The following AKAP13 variants were observed in gnomAD, a reference collection of about 807,000 sequenced individuals.
AKAP13 encodes the protein A-kinase anchor protein 13.
Under a neutral mutation model 264.5 loss-of-function variants are expected in AKAP13, and 80 were observed. That is an observed-to-expected ratio of 0.30 (90% CI 0.25 to 0.36). The LOEUF (loss-of-function observed/expected upper bound fraction) is 0.36, where lower values mean the gene tolerates loss of function less well. AKAP13 is among the 10% of genes least tolerant of loss of function. The pLI is 1.00. For synonymous variants in AKAP13, 1,380 were observed against 1,250.2 expected, an observed-to-expected ratio of 1.10 and a Z score of -2.19; for missense variants, 3,712 against 3,435.2, an observed-to-expected ratio of 1.08 and a Z score of -2.01.
chr15:85,525,388 T>C (rs2151169161), intron 3 of AKAP13, among the ~76,000 whole-genome samples: 1 of 152,318 alleles, frequency 6.6e-6, no homozygotes, highest in African/African-American at 2.4e-5. Flanking sequence ...AGTGAGCATG[T>C]TATTTTTATG....
At chr15:85,551,717 G>A (rs2077967774) in intron 5 of AKAP13, among the ~76,000 whole-genome samples, 1 of 152,170 alleles carries the variant, frequency 6.6e-6, no homozygotes, top group African/African-American at 2.4e-5. Flanking sequence ...TTGATCTGTG[G>A]TAACAAATTA....
chr15:85,553,831 A>C (rs1311783681), intron 5 of AKAP13, among the ~76,000 whole-genome samples: 1 of 152,164 alleles, frequency 6.6e-6, no homozygotes, highest in Non-Finnish European at 1.5e-5. Flanking sequence ...TTAGATTCTC[A>C]TAGGAGTGGA....
At chr15:85,485,603 G>A (rs2075514244) in intron 1 of AKAP13, 107 bp from the exon 2 acceptor site, 12 of 892,912 alleles carry the variant, frequency 1.3e-5, no homozygotes, top group Admixed American at 2.1e-5. Flanking sequence ...TCTCGGGCAC[G>A]GGATTGTACT....
rs1161958830 is a variant in AKAP13 at position 85,736,098 on chromosome 15, T to C, written c.7521T>C (p.Asn2507=). The stretch of plus-strand genomic sequence containing the variant: ...TGTTTTTTGTTTTATAGGGTGGAAA[T>C]GCTAACCTGGTATTTATGCTTAAAA... ...ESDSGLKKGG[N]ANLVFMLKRN... is the part of the protein sequence containing the mutation. The change falls in exon 33 of 37, where the codon AAT becomes AAC. Residue 2507 remains asparagine (N), a synonymous_variant. Coordinates refer to ENST00000394518, the MANE Select transcript of AKAP13 (RefSeq NM_007200.5). 1 of 1,606,600 alleles carries C rather than the reference T, an allele frequency of 6.2e-7. No homozygotes were observed. The highest frequency in any genetic ancestry group is 1.7e-5 in the Admixed American group (1 of 59,896).
chr15:85,591,747 C>T (rs1182007421), intron 8 of AKAP13, among the ~76,000 whole-genome samples: 2 of 152,090 alleles, frequency 1.3e-5, no homozygotes, highest in African/African-American at 4.8e-5. Flanking sequence ...AAGATATGGC[C>T]AAGTTCATTA....
At chr15:85,631,503 C>CACACACACACACACACACACACACACAA (rs1491390937) in intron 8 of AKAP13, among the ~76,000 whole-genome samples, 2 of 7,530 alleles carry the variant, frequency 2.7e-4, no homozygotes, top group African/African-American at 7.9e-4. Context: ...CTCTCTCTCT[C>CACACACACACACACACACACACACACAA]ACACACACAC....
At chr15:85,666,296 ATG>A (rs1176130054) in intron 13 of AKAP13, among the ~76,000 whole-genome samples, 3 of 151,494 alleles carry the variant, frequency 2.0e-5, no homozygotes, top group African/African-American at 7.3e-5. Flanking sequence ...GCATTTTTTC[ATG>A]TGTCTGTTGG....
rs1055825684 is a variant in AKAP13 at position 85,655,561 on chromosome 15, A to T, written c.4519A>T (p.Ser1507Cys). 12 of 1,614,086 alleles carry T rather than the reference A, an allele frequency of 7.4e-6. No individual in the cohort carries two copies. Among genetic ancestry groups the T allele is most frequent in the East Asian group, 4.5e-5 (2 of 44,902 alleles). Residue 1507 changes from serine (S) to cysteine (C), a missense_variant, in exon 11 of 37, where the codon AGC becomes TGC. Around this residue, in one of 3 missense-constraint regions of AKAP13, gnomAD observed 2,759 missense variants for 2,411.7 expected, o/e 1.14. Coordinates refer to ENST00000394518, the MANE Select transcript of AKAP13 (RefSeq NM_007200.5). ...LKPNRSRDRQ[S>C]LDGFYSHGMG... ...GCCAAACAGGTCAAGAGATCGGCAA[A>T]GCCTTGATGGATTCTACAGCCATGG...
chr15:85,491,793 C>G (rs1009676777), intron 2 of AKAP13, among the ~76,000 whole-genome samples: 1 of 151,968 alleles, frequency 6.6e-6, no homozygotes, highest in Non-Finnish European at 1.5e-5. Flanking sequence ...TCACCTGTAA[C>G]CTTTCTAGTT....
intron 8 of AKAP13, among the ~76,000 whole-genome samples, chr15:85,608,939 C>T (rs972911068): frequency 6.6e-6 from 1 of 152,108 alleles, no homozygotes; most frequent in Non-Finnish European, 1.5e-5. Context: ...CTCCCTATTG[C>T]CCCTGAATAG....
At chr15:85,478,844 A>G (rs1269129460) in intron 1 of AKAP13, among the ~76,000 whole-genome samples, 1 of 78,982 alleles carries the variant, frequency 1.3e-5, no homozygotes, top group African/African-American at 6.9e-5. Context: ...GAGTCTTAAC[A>G]TCATTTCCCG....
intron 1 of AKAP13, among the ~76,000 whole-genome samples, chr15:85,423,898 C>G (rs2072643099): frequency 6.6e-6 from 1 of 152,230 alleles, no homozygotes; most frequent in African/African-American, 2.4e-5. Context: ...CCTCCTTGTT[C>G]ATCTCCATCA....
In AKAP13 at chr15:85,664,769, AT is replaced by A; in HGVS notation, c.4992+15del. ...TTTGATCAGCAGGTAAGTCTTAAAT[AT>A]GTCTAATTTGGAAAAAATATATTTC... On this transcript the variant is annotated intron_variant, in intron 13 of 36. Transcript: ENST00000394518. 1 of 1,599,536 alleles carries A rather than the reference AT, an allele frequency of 6.3e-7. No individual in the cohort carries two copies. The highest frequency in any genetic ancestry group is 8.5e-7 in the Non-Finnish European group (1 of 1,171,990).
chr15:85,688,458 TATA>T (rs746451488), intron 16 of AKAP13, among the ~76,000 whole-genome samples: 1 of 152,230 alleles, frequency 6.6e-6, no homozygotes, highest in Non-Finnish European at 1.5e-5. Flanking sequence ...ATCTACCGAA[TATA>T]ATATTAAAAT....
rs764200524 is a variant in AKAP13, at chr15:85,730,635, A to G, written c.7210A>G (p.Arg2404Gly). 8 of 1,614,218 alleles carry G rather than the reference A, an allele frequency of 5.0e-6. No homozygotes were observed. In the East Asian group the frequency reaches 6.7e-5, roughly 13 times the overall value. ...PEDCSPTHSP[R>G]VLFRSNTEEA... ...GGATTGCTCCCCAACACATAGCCCT[A>G]GAGTTCTCTTCCGCTCCAACACAGA... The change falls in exon 30 of 37, where the codon AGA (arginine) becomes GGA (glycine). Residue 2404 changes from arginine (R) to glycine (G), a missense_variant. By Grantham distance (125) the Arg-to-Gly change is moderately radical (BLOSUM62 -2). Transcript: ENST00000394518.
intron 17 of AKAP13, among the ~76,000 whole-genome samples, chr15:85,694,690 A>AGC (rs2085471970): frequency 1.3e-5 from 2 of 152,348 alleles, no homozygotes; most frequent in Admixed American, 6.5e-5. Flanking sequence ...GTATTTGTAG[A>AGC]GCATACCAGG....
chr15:85,693,407 A>G lies in AKAP13; in HGVS notation c.5420A>G (p.Gln1807Arg). Residue 1807 changes from glutamine to arginine, a missense_variant, in exon 17 of 37, where the codon CAG becomes CGG. Gln to Arg is a conservative substitution (Grantham distance 43, BLOSUM62 1). This residue lies in a region of AKAP13 where 2,759 missense variants were observed against 2,411.7 expected (regional missense o/e 1.14). Transcript: ENST00000394518. ...IPVVGPISCS[Q>R]CMKPFTNKDA... ...GTTGTGGGTCCCATCAGCTGTAGCCAGTGTATGAAGCCCTTCACCAACAAA... is the reference window on the plus strand; with the variant it reads ...GTTGTGGGTCCCATCAGCTGTAGCCGGTGTATGAAGCCCTTCACCAACAAA... 6.2e-7 allele frequency: 1 copy of G among 1,613,604 alleles called. No individual in the cohort carries two copies. Among genetic ancestry groups the G allele is most frequent in the Non-Finnish European group, 8.5e-7 (1 of 1,179,838 alleles).
At chr15:85,544,752 TATC>T (rs1388620030) in intron 5 of AKAP13, among the ~76,000 whole-genome samples, 2 of 152,228 alleles carry the variant, frequency 1.3e-5, no homozygotes, top group Non-Finnish European at 2.9e-5. Flanking sequence ...GTTTTGTGGT[TATC>T]ATCATTATCT....
Position 85,748,691 on chromosome 15 carries a change from C to T in AKAP13, c.*4014C>T, listed in dbSNP as rs1356822232. On this transcript the variant is annotated 3_prime_UTR_variant, in exon 37 of 37. Coordinates refer to ENST00000394518, the MANE Select transcript of AKAP13 (RefSeq NM_007200.5). ...GAAAATAAAGGCATCTTTCCAAGTA[C>T]TCATCTAATTTAATTGTCAAAAGAT... The T allele has an allele frequency of 2.0e-5, 3 of 152,098 alleles. No individual in the cohort carries two copies. Among genetic ancestry groups the T allele is most frequent in the Non-Finnish European group, 2.9e-5 (2 of 68,012 alleles). The allele number at this position is 152,098 out of a possible 1,614,324, so 9.4% of individuals were successfully genotyped here.
Sources: allele counts gnomAD v4.1 joint callset (sites outside exome capture counted in the v4.1 genomes callset), GRCh38; gene constraint gnomAD v4.1.1; regional missense constraint gnomAD v4.1.1; transcripts MANE v1.5; gene names NCBI Gene and HGNC (gene_info 2026-07-23, HGNC 2026-07-21).